MALRD1: variants seen among roughly 807,000 people sequenced by gnomAD.
The protein encoded by MALRD1 is MAM and LDL-receptor class A domain-containing protein 1.
Under a neutral mutation model 242.1 loss-of-function variants are expected in MALRD1, and 247 were observed. That is an observed-to-expected ratio of 1.02 (90% CI 0.92 to 1.13). The LOEUF is 1.13. MALRD1 is among the 50% of genes most tolerant of loss of function. The probability of loss-of-function intolerance (pLI) is 0.00; values close to 1 mark genes in which losing one functional copy is unlikely to be tolerated. For missense variants in MALRD1, 2,989 were observed against 2,533.1 expected (o/e 1.18, Z -3.86); for synonymous variants, 995 against 866.6 (o/e 1.15, Z -2.60).
chr10:19,063,979 T>C (rs528233599), intron 1 of MALRD1, among the ~76,000 whole-genome samples: 15 of 151,858 alleles, frequency 9.9e-5, no homozygotes, highest in South Asian at 4.2e-4. Context: ...TAATTAAAAA[T>C]ATTTTTCTTT....
intron 36 of MALRD1, among the ~76,000 whole-genome samples, chr10:19,655,568 A>ATG (rs1841115483): frequency 2.4e-5 from 3 of 125,362 alleles, no homozygotes; most frequent in Non-Finnish European, 5.1e-5. Flanking sequence ...ATATATATAT[A>ATG]TATGGAGATA....
At chr10:19,693,115 A>G (rs1030323460) in intron 38 of MALRD1, among the ~76,000 whole-genome samples, 4 of 151,924 alleles carry the variant, frequency 2.6e-5, no homozygotes, top group Non-Finnish European at 5.9e-5. Flanking sequence ...CACAGCCAAT[A>G]TCATACTGAA....
At chr10:19,519,607 AT>A (rs1052458866) in intron 31 of MALRD1, among the ~76,000 whole-genome samples, 58 of 149,374 alleles carry the variant, frequency 3.9e-4, no homozygotes, top group African/African-American at 9.6e-4. Flanking sequence ...TGTTGCTACA[AT>A]TTTTTTTTTA....
At chr10:19,432,393 T>G (rs1834169757) in intron 28 of MALRD1, among the ~76,000 whole-genome samples, 2 of 152,214 alleles carry the variant, frequency 1.3e-5, no homozygotes, top group African/African-American at 4.8e-5. Flanking sequence ...AAGATTATTT[T>G]TTACCTATAT....
chr10:19,237,929 T>G (rs1161267732), intron 18 of MALRD1, among the ~76,000 whole-genome samples: 3,424 of 29,022 alleles, frequency 0.12, 226 homozygotes, highest in Middle Eastern at 0.2. Context: ...TAATTATATG[T>G]AATTTTATAC....
chr10:19,182,745 A>G (rs1346296705), intron 14 of MALRD1, among the ~76,000 whole-genome samples: 1 of 152,164 alleles, frequency 6.6e-6, no homozygotes, highest in Non-Finnish European at 1.5e-5. Flanking sequence ...GAGCAGTTTA[A>G]GCAATGGGAA....
At chr10:19,554,443 A>G (rs974999169) in intron 32 of MALRD1, among the ~76,000 whole-genome samples, 6 of 152,264 alleles carry the variant, frequency 3.9e-5, no homozygotes, top group East Asian at 3.9e-4. Flanking sequence ...GCTTTGTTAC[A>G]TAGGTAAATG....
intron 36 of MALRD1, among the ~76,000 whole-genome samples, chr10:19,682,426 G>A (rs1363152365): frequency 6.6e-6 from 1 of 152,164 alleles, no homozygotes; most frequent in East Asian, 1.9e-4. Flanking sequence ...ATTTGATTAG[G>A]TTGGCTGTGG....
At position 19,530,350 on chromosome 10, in the gene MALRD1, ATATAATAT is replaced by A. The variant is rs1316392210; in HGVS notation, c.5321-842_5321-835del. Among the ~76,000 whole-genome samples the A allele has an allele frequency of 3.5e-4, 42 of 120,002 alleles. 1 individual carries two copies. Among genetic ancestry groups the A allele is most frequent in the African/African-American group, 1.2e-3 (33 of 28,112 alleles). The allele number at this position is 120,002 out of a possible 152,430, so 78.7% of individuals were successfully genotyped here. A position where few individuals can be genotyped will look rare whatever the true frequency, so the allele number is the denominator to read the frequency against. Reference sequence around the variant, plus strand: ...ATAAATATATAATATTTATATAAATATATAATATTTATATAAATATTTATATAAATATT... The same window carrying A: ...ATAAATATATAATATTTATATAAATATTATATAAATATTTATATAAATATT... On this transcript the variant is annotated intron_variant, in intron 31 of 39. Coordinates refer to ENST00000454679, the MANE Select transcript of MALRD1 (RefSeq NM_001142308.3).
intron 36 of MALRD1, among the ~76,000 whole-genome samples, chr10:19,651,777 T>G (rs2131707540): frequency 6.6e-6 from 1 of 151,808 alleles, no homozygotes; most frequent in African/African-American, 2.4e-5. Context: ...GATCAGAGAG[T>G]GGGGCTTGAT....
At chr10:19,315,238 GAAATATAATTTATATAAATATAT>G (rs1842616369) in intron 21 of MALRD1, among the ~76,000 whole-genome samples, 1 of 81,850 alleles carries the variant, frequency 1.2e-5, no homozygotes, top group South Asian at 4.5e-4. Flanking sequence ...ATAATTTATA[GAAATATAATTTATATAAATATAT>G]AAATATAATT....
intron 14 of MALRD1, among the ~76,000 whole-genome samples, chr10:19,191,022 C>T (rs1835952530): frequency 6.6e-6 from 1 of 152,008 alleles, no homozygotes; most frequent in South Asian, 2.1e-4. Flanking sequence ...AAGGCAACCC[C>T]AAGAAGGGGA....
At chr10:19,567,790 A>G (rs1228640305) in intron 33 of MALRD1, 87 bp downstream of exon 33, 20 of 1,184,650 alleles carry the variant, frequency 1.7e-5, no homozygotes, top group South Asian at 4.4e-5. Context: ...GAGGAATTAC[A>G]TTTATTTCTG....
At chr10:19,088,349 T>A (rs550635404) in intron 4 of MALRD1, among the ~76,000 whole-genome samples, 164 bp downstream of exon 4, 2 of 152,208 alleles carry the variant, frequency 1.3e-5, no homozygotes, top group South Asian at 4.1e-4. Context: ...CAATTTGGGA[T>A]GGCTAGTCAC....
intron 28 of MALRD1, among the ~76,000 whole-genome samples, chr10:19,437,128 G>C (rs1834381089): frequency 6.6e-6 from 1 of 152,080 alleles, no homozygotes; most frequent in Non-Finnish European, 1.5e-5. Context: ...AGAAGAAAAT[G>C]ACAAACACTC....
At chr10:19,195,807 G>T (rs1836212021) in intron 14 of MALRD1, among the ~76,000 whole-genome samples, 1 of 151,832 alleles carries the variant, frequency 6.6e-6, no homozygotes. Flanking sequence ...CTTTACATTG[G>T]GGATTGCTGC....
At chr10:19,719,399 A>T (rs1202003490) in intron 38 of MALRD1, among the ~76,000 whole-genome samples, 2 of 151,308 alleles carry the variant, frequency 1.3e-5, no homozygotes, top group African/African-American at 2.4e-5. Flanking sequence ...CTTTAAGATT[A>T]AGTTACAGAA....
intron 38 of MALRD1, among the ~76,000 whole-genome samples, chr10:19,719,223 CATATATATATAT>C (rs368394538): frequency 3.9e-4 from 30 of 76,432 alleles, no homozygotes; most frequent in Admixed American, 1.5e-3. Context: ...CACATACATA[CATATATATATAT>C]ATATATATAT....
intron 36 of MALRD1, among the ~76,000 whole-genome samples, chr10:19,675,364 T>C (rs547506621): frequency 1.1e-3 from 164 of 152,324 alleles, no homozygotes; most frequent in Non-Finnish European, 1.9e-3. Context: ...GTGAATTTAC[T>C]ACTTACAAAG....
Sources: allele counts gnomAD v4.1 joint callset (sites outside exome capture counted in the v4.1 genomes callset), GRCh38; gene constraint gnomAD v4.1.1; transcripts MANE v1.5; gene names NCBI Gene and HGNC (gene_info 2026-07-23, HGNC 2026-07-21).